The following HCN3 variants were observed in gnomAD, a reference collection of about 807,000 sequenced individuals.
HCN3 encodes potassium/sodium hyperpolarization-activated cyclic nucleotide-gated channel 3.
In HCN3, 36 loss-of-function variants were observed where a neutral mutation model predicts 56.8. That is an observed-to-expected ratio of 0.63 (90% CI 0.49 to 0.84). The LOEUF (loss-of-function observed/expected upper bound fraction) is 0.84, where lower values mean the gene tolerates loss of function less well. HCN3 is among the 40% of genes least tolerant of loss of function. The pLI, the probability that HCN3 is intolerant of heterozygous loss-of-function variation, is 0.00. For missense variants in HCN3, 930 were observed against 1,079.3 expected, an observed-to-expected ratio of 0.86 and a Z score of 1.94; for synonymous variants, 425 against 439.7, an observed-to-expected ratio of 0.97 and a Z score of 0.42.
At chr1:155,283,885 G>C in intron 2 of HCN3, 89 bp from the exon 3 acceptor site, 1 of 1,416,730 alleles carries the variant, frequency 7.1e-7, no homozygotes, top group Non-Finnish European at 9.8e-7. Context: ...CTAGGGAGTA[G>C]TTCAGAAGAG....
At chr1:155,278,205 C>T (rs1673885680) in intron 1 of HCN3, among the ~76,000 whole-genome samples, 1 of 152,186 alleles carries the variant, frequency 6.6e-6, no homozygotes, top group Non-Finnish European at 1.5e-5. Flanking sequence ...TCCTCCAGTC[C>T]TGCTTGCTGG....
In HCN3 at chr1:155,277,553, G is replaced by T; in HGVS notation, c.-38G>T. 1 of 1,533,984 alleles carries T rather than the reference G, an allele frequency of 6.5e-7. No individual in the cohort carries two copies. Among genetic ancestry groups the T allele is most frequent in the East Asian group, 2.4e-5 (1 of 42,142 alleles). ...TTGCGGGTACCTGATGGCCACAGAG[G>T]GCTCTAGGAGGCCGAGCGTGTAAGC... On this transcript the variant is annotated 5_prime_UTR_variant, in exon 1 of 8. Coordinates refer to ENST00000368358, the MANE Select transcript of HCN3 (RefSeq NM_020897.3).
At chr1:155,287,488 C>A in intron 7 of HCN3, 151 bp downstream of exon 7, 1 of 939,576 alleles carries the variant, frequency 1.1e-6, no homozygotes, top group South Asian at 1.7e-5. Flanking sequence ...AACACTGTGG[C>A]CCACTGTCCC....
Position 155,285,377 on chromosome 1 carries a change from G to C in HCN3, c.1236+66G>C. The C allele has an allele frequency of 6.3e-7, 1 of 1,580,306 alleles. No individual in the cohort carries two copies. Among genetic ancestry groups the C allele is most frequent in the Non-Finnish European group, 8.6e-7 (1 of 1,160,480 alleles). ...CCTGGAGTGCTGTCTGGTGGTAGGG[G>C]CTATTGGTCAGCAGGTGCTCCTATA... On this transcript the variant is annotated intron_variant, in intron 5 of 7. Transcript: ENST00000368358. This position sits in a 1 kb window ranked among gnomAD's most constrained non-coding sequence, Gnocchi z 4.5.
chr1:155,277,662 C>A lies in HCN3; in HGVS notation c.72C>A (p.Pro24=). The part of the protein sequence containing the change: ...GATPGLEAVP[P]VAPPPATAAS... ...CCCCTGGACTGGAGGCGGTGCCTCC[C>A]GTTGCTCCCCCGCCTGCGACCGCGG... The change falls in exon 1 of 8, where the codon CCC becomes CCA. Residue 24 remains proline (P), a synonymous_variant. Transcript: ENST00000368358. 1 of 1,555,160 alleles carries A rather than the reference C, an allele frequency of 6.4e-7. No homozygotes were observed. Among genetic ancestry groups the A allele is most frequent in the African/African-American group, 1.4e-5 (1 of 73,572 alleles).
At chr1:155,286,733 T>G (rs141048016) in intron 6 of HCN3, among the ~76,000 whole-genome samples, 1 of 138,774 alleles carries the variant, frequency 7.2e-6, no homozygotes, top group Non-Finnish European at 1.5e-5. Context: ...CACCCACTAC[T>G]CCCATCATGT....
chr1:155,282,791 G>C lies in HCN3; in HGVS notation c.659G>C (p.Arg220Thr). 6.2e-7 allele frequency: 1 copy of C among 1,613,156 alleles called. No individual in the cohort carries two copies. The highest frequency in any genetic ancestry group is 1.7e-4 in the Middle Eastern group (1 of 6,060). The change falls in exon 2 of 8, where the codon AGG becomes ACG. Residue 220 changes from arginine to threonine, a missense_variant. Arg to Thr is a moderately conservative substitution (Grantham distance 71, BLOSUM62 -1). Coordinates refer to ENST00000368358, the MANE Select transcript of HCN3 (RefSeq NM_020897.3). The surrounding 1 kb of genome is among the most constrained non-coding windows in gnomAD (Gnocchi z 4.7). ...VRFTKILSLL[R>T]LLRLSRLIRY... is the part of the protein sequence containing the mutation. The stretch of plus-strand genomic sequence containing the variant: ...TTCACCAAGATCCTAAGCCTGCTGA[G>C]GCTGCTCCGCCTCTCCCGCCTCATC...
chr1:155,287,774 C>G lies in HCN3; in HGVS notation c.1643-7C>G, dbSNP rs1353413269. The G allele has an allele frequency of 6.4e-7, 1 of 1,566,376 alleles. No homozygotes were observed. The highest frequency in any genetic ancestry group is 1.4e-5 in the African/African-American group (1 of 73,656). On this transcript the variant is annotated splice_polypyrimidine_tract_variant and splice_region_variant and intron_variant, in intron 7 of 7. Transcript: ENST00000368358. ...CCTTAACTTCTCCCTCCCGGTACAACTTCTAGGCAAGAAGAATTCCATACT... is the reference window on the plus strand; with the variant it reads ...CCTTAACTTCTCCCTCCCGGTACAAGTTCTAGGCAAGAAGAATTCCATACT...
intron 1 of HCN3, among the ~76,000 whole-genome samples, chr1:155,280,171 A>G (rs1305091700): frequency 6.6e-6 from 1 of 151,826 alleles, no homozygotes; most frequent in Non-Finnish European, 1.5e-5. Flanking sequence ...GGTCTCGAAC[A>G]CTTGACCTCG....
Position 155,287,882 on chromosome 1 carries a change from G to A in HCN3, c.1744G>A (p.Ala582Thr). The change falls in exon 8 of 8, where the codon GCT becomes ACT. Residue 582 changes from alanine (A) to threonine (T), a missense_variant. By Grantham distance (58) the Ala-to-Thr change is moderately conservative. Transcript: ENST00000368358. ...CTTGGTGCAACATGACAGAGACATGGCTCGGGGTGTTCGGGGTCGGGCCCC... is the reference window on the plus strand; with the variant it reads ...CTTGGTGCAACATGACAGAGACATGACTCGGGGTGTTCGGGGTCGGGCCCC... ...QHLVQHDRDM[A>T]RGVRGRAPST... The A allele has an allele frequency of 6.2e-7, 1 of 1,614,008 alleles. No homozygotes were observed. The highest frequency in any genetic ancestry group is 8.5e-7 in the Non-Finnish European group (1 of 1,180,012).
rs534835384 is a variant in HCN3 at position 155,288,721 on chromosome 1, C to G, written c.*258C>G. The G allele has an allele frequency of 1.0e-5, 5 of 496,750 alleles. No individual in the cohort carries two copies. In the Admixed American group the frequency reaches 1.5e-4, roughly 15 times the overall value. 30.8% of individuals were successfully genotyped at this position (496,750 alleles called of 1,614,324 possible). On this transcript the variant is annotated 3_prime_UTR_variant, in exon 8 of 8. Transcript: ENST00000368358. This position sits in a 1 kb window ranked among gnomAD's most constrained non-coding sequence, Gnocchi z 6.5. ...ACCATGTTCAAGGTAATATGCCAGG[C>G]GCTGTATGTCTCCACTGCCAAGTAG...
At position 155,287,937 on chromosome 1, in the gene HCN3, C is replaced by CAGT. The variant is rs1270521775; in HGVS notation, c.1801_1803dup (p.Val601dup). ...ACAGGAGCTCAGCTTAGTGGAAAGC[C>CAGT]AGTACTGTGGGAGCCACTGGTACAT... On this transcript the variant is annotated inframe_insertion, in exon 8 of 8. Transcript: ENST00000368358. 6.2e-7 allele frequency: 1 copy of CAGT among 1,614,074 alleles called. No homozygotes were observed.
At position 155,288,164 on chromosome 1, in the gene HCN3, G is replaced by C. The variant is rs1262945188; in HGVS notation, c.2026G>C (p.Ala676Pro). The C allele has an allele frequency of 3.8e-6, 6 of 1,580,128 alleles. No homozygotes were observed. Among genetic ancestry groups the C allele is most frequent in the Non-Finnish European group, 3.4e-6 (4 of 1,168,266 alleles). Residue 676 changes from alanine (A) to proline (P), a missense_variant, in exon 8 of 8, where the codon GCC becomes CCC. Physicochemically the swap from Ala to Pro is conservative, Grantham distance 27. Transcript: ENST00000368358. The surrounding 1 kb of genome is among the most constrained non-coding windows in gnomAD (Gnocchi z 6.5). Reference sequence around the variant, plus strand: ...CACCTCCCGCCTGCCCGCCCCACCTGCCCGAACCCTGCACGCCAGCCTATC... The same window carrying C: ...CACCTCCCGCCTGCCCGCCCCACCTCCCCGAACCCTGCACGCCAGCCTATC... ...ASTSRLPAPP[A>P]RTLHASLSRA...
At chr1:155,283,449 A>G (rs539918225) in intron 2 of HCN3, among the ~76,000 whole-genome samples, 1 of 151,976 alleles carries the variant, frequency 6.6e-6, no homozygotes, top group Non-Finnish European at 1.5e-5. Context: ...GTACATGTGC[A>G]CATTGTGCAG....
Position 155,282,673 on chromosome 1 carries a change from A to G in HCN3, c.541A>G (p.Ile181Val), listed in dbSNP as rs371461301. 6.2e-7 allele frequency: 1 copy of G among 1,614,110 alleles called. No individual in the cohort carries two copies. Among genetic ancestry groups the G allele is most frequent in the East Asian group, 2.2e-5 (1 of 44,884 alleles). ...TWFLVDLISSIPVDYIFLVVE... is the reference protein window; with the variant it reads ...TWFLVDLISSVPVDYIFLVVE... ...GTTCCTGGTTGACCTCATCTCTTCT[A>G]TCCCTGTGGATTACATCTTCCTAGT... is the stretch of plus-strand genomic sequence containing the variant. Residue 181 changes from isoleucine to valine, a missense_variant, in exon 2 of 8, where the codon ATC (isoleucine) becomes GTC (valine). Transcript: ENST00000368358. This position sits in a 1 kb window ranked among gnomAD's most constrained non-coding sequence, Gnocchi z 4.7.
intron 1 of HCN3, among the ~76,000 whole-genome samples, chr1:155,281,786 C>T (rs977934804): frequency 6.6e-6 from 1 of 151,972 alleles, no homozygotes; most frequent in Admixed American, 6.6e-5. Context: ...AGGCGTGAGC[C>T]ATAGCTTTTC....
At chr1:155,278,777 C>T (rs937553635) in intron 1 of HCN3, among the ~76,000 whole-genome samples, 3 of 152,198 alleles carry the variant, frequency 2.0e-5, no homozygotes, top group African/African-American at 7.2e-5. Context: ...TTGTTCCTTT[C>T]ACTCCTGTCT....
chr1:155,282,959 A>G lies in HCN3; in HGVS notation c.708+119A>G. On this transcript the variant is annotated intron_variant, in intron 2 of 7. Transcript: ENST00000368358. The surrounding 1 kb of genome is among the most constrained non-coding windows in gnomAD (Gnocchi z 4.7). Reference sequence around the variant, plus strand: ...TGGGTGGGGCTCCTGGTGACCTTATAGTGTGGGGAAGATGGGTGGGGCTTC... The same window carrying G: ...TGGGTGGGGCTCCTGGTGACCTTATGGTGTGGGGAAGATGGGTGGGGCTTC... The G allele has an allele frequency of 9.8e-7, 1 of 1,021,782 alleles. No individual in the cohort carries two copies. The highest frequency in any genetic ancestry group is 1.4e-6 in the Non-Finnish European group (1 of 712,036). The allele number at this position is 1,021,782 out of a possible 1,614,324, so 63.3% of individuals were successfully genotyped here.
intron 2 of HCN3, 23 bp from the exon 3 acceptor site, chr1:155,283,951 C>A: frequency 6.2e-7 from 1 of 1,601,278 alleles, no homozygotes. Flanking sequence ...CTGTCCACAG[C>A]AGCTCCTCCT....
Sources: allele counts gnomAD v4.1 joint callset (sites outside exome capture counted in the v4.1 genomes callset), GRCh38; gene constraint gnomAD v4.1.1; non-coding constraint Gnocchi (gnomAD v3.1); transcripts MANE v1.5; gene names NCBI Gene and HGNC (gene_info 2026-07-23, HGNC 2026-07-21).